GRIN2A: variants seen among roughly 807,000 people sequenced by gnomAD.
GRIN2A encodes glutamate ionotropic receptor NMDA type subunit 2A, also known as glutamate receptor ionotropic, NMDA 2A.
A neutral mutation model predicts 113.4 loss-of-function variants in GRIN2A; 22 were observed. The observed-to-expected ratio is 0.19, with a 90% CI of 0.14 to 0.28. The LOEUF is 0.28. GRIN2A is among the 10% of genes least tolerant of loss of function. GRIN2A has a pLI of 1.00. For synonymous variants in GRIN2A, 827 were observed against 738.4 expected, an observed-to-expected ratio of 1.12 and a Z score of -1.94; for missense variants, 1,502 against 1,887.0, an observed-to-expected ratio of 0.80 and a Z score of 3.78.
chr16:10,006,047 G>C (rs897638087), intron 2 of GRIN2A, among the ~76,000 whole-genome samples: 4 of 152,164 alleles, frequency 2.6e-5, no homozygotes, highest in Middle Eastern at 3.2e-3. Flanking sequence ...TAAGGATGTA[G>C]GCTGTTGTAA....
At chr16:9,964,629 T>G (rs556515041) in intron 2 of GRIN2A, among the ~76,000 whole-genome samples, 15 of 152,286 alleles carry the variant, frequency 9.8e-5, no homozygotes, top group Middle Eastern at 3.4e-3. Context: ...GCTGCCCACA[T>G]TCCTCGGCTT....
At chr16:10,068,411 G>A (rs2047689312) in intron 2 of GRIN2A, among the ~76,000 whole-genome samples, 2 of 152,224 alleles carry the variant, frequency 1.3e-5, no homozygotes, top group East Asian at 1.9e-4. Flanking sequence ...TTACAGTCAT[G>A]GTGGAAGGTG....
rs533057722 is a variant in GRIN2A, at chr16:9,970,126, C to T, written c.415-31575G>A. Among the ~76,000 whole-genome samples the T allele has an allele frequency of 2.6e-5, 4 of 152,312 alleles. No homozygotes were observed. In the East Asian group the frequency reaches 7.7e-4, roughly 29 times the overall value. On this transcript the variant is annotated intron_variant, in intron 2 of 12. Transcript: ENST00000330684. ...TTGGGATCCCTAATACAGAAAAAAG[C>T]AGCTCAAATTCAATGTTTGAGTAAG...
At chr16:9,865,571 C>T (rs917975044) in intron 4 of GRIN2A, among the ~76,000 whole-genome samples, 2 of 152,168 alleles carry the variant, frequency 1.3e-5, no homozygotes, top group Non-Finnish European at 2.9e-5. Context: ...AAATTATAGC[C>T]AAAAGCAGAA....
chr16:9,876,366 C>G (rs2043365897), intron 4 of GRIN2A, among the ~76,000 whole-genome samples: 2 of 152,172 alleles, frequency 1.3e-5, no homozygotes, highest in South Asian at 4.1e-4. Context: ...CTTTCTACCC[C>G]TACGTCCTCA....
At chr16:10,173,068 G>A (rs1002357505) in intron 2 of GRIN2A, among the ~76,000 whole-genome samples, 5 of 152,174 alleles carry the variant, frequency 3.3e-5, no homozygotes, top group Admixed American at 1.3e-4. Context: ...AACCCCTGAG[G>A]GCTACTTGGA....
At chr16:10,102,187 G>A (rs755110754) in intron 2 of GRIN2A, among the ~76,000 whole-genome samples, 4 of 152,260 alleles carry the variant, frequency 2.6e-5, no homozygotes, top group African/African-American at 9.6e-5. Flanking sequence ...CACCTCCAGT[G>A]TTGGAGGTAG....
intron 2 of GRIN2A, among the ~76,000 whole-genome samples, chr16:10,139,536 G>C (rs2049278847): frequency 6.6e-6 from 1 of 152,212 alleles, no homozygotes; most frequent in Non-Finnish European, 1.5e-5. Flanking sequence ...CATCCCAGGG[G>C]ATACAGATGT....
chr16:9,866,957 C>G (rs2043170636), intron 4 of GRIN2A, among the ~76,000 whole-genome samples: 1 of 152,214 alleles, frequency 6.6e-6, no homozygotes, highest in Non-Finnish European at 1.5e-5. Context: ...AGCTCTCATT[C>G]AGGTATTCTT....
chr16:9,919,108 G>T (rs1186586921), intron 3 of GRIN2A, among the ~76,000 whole-genome samples: 1 of 152,158 alleles, frequency 6.6e-6, no homozygotes, highest in Non-Finnish European at 1.5e-5. Context: ...GGGAGGCGGA[G>T]GTTGCAGTGA....
At chr16:10,141,674 C>T (rs1178622037) in intron 2 of GRIN2A, among the ~76,000 whole-genome samples, 1 of 152,140 alleles carries the variant, frequency 6.6e-6, no homozygotes, top group Admixed American at 6.5e-5. Flanking sequence ...AACCATAATG[C>T]CAGACCTTTT....
intron 2 of GRIN2A, among the ~76,000 whole-genome samples, chr16:10,113,059 C>G (rs1049535832): frequency 6.6e-6 from 1 of 152,076 alleles, no homozygotes; most frequent in African/African-American, 2.4e-5. Context: ...TGAGCATCCC[C>G]TACAGAGTCG....
intron 2 of GRIN2A, among the ~76,000 whole-genome samples, chr16:9,947,699 T>C (rs1301244556): frequency 6.6e-6 from 1 of 152,170 alleles, no homozygotes; most frequent in African/African-American, 2.4e-5. Context: ...TGGTACCAAA[T>C]AGAGGGTTCA....
At chr16:10,141,563 T>A (rs1411286140) in intron 2 of GRIN2A, among the ~76,000 whole-genome samples, 5 of 152,074 alleles carry the variant, frequency 3.3e-5, no homozygotes, top group Non-Finnish European at 2.9e-5. Context: ...AGAGACCAAA[T>A]CCAAATGACA....
chr16:10,081,145 C>A (rs1377338719), intron 2 of GRIN2A, among the ~76,000 whole-genome samples: 3 of 152,208 alleles, frequency 2.0e-5, no homozygotes, highest in African/African-American at 7.2e-5. Flanking sequence ...TTCCGAGGCT[C>A]TTACATGCTT....
chr16:10,046,642 A>G (rs1035907534), intron 2 of GRIN2A, among the ~76,000 whole-genome samples: 2 of 152,210 alleles, frequency 1.3e-5, no homozygotes, highest in African/African-American at 4.8e-5. Context: ...TTTGAGCAGC[A>G]GCTACACACA....
intron 2 of GRIN2A, among the ~76,000 whole-genome samples, chr16:10,055,418 C>G (rs901245694): frequency 2.0e-5 from 3 of 152,042 alleles, no homozygotes; most frequent in Non-Finnish European, 2.9e-5. Context: ...CTGAAATATT[C>G]CACCATTGAT....
At chr16:10,026,269 G>A (rs1024538180) in intron 2 of GRIN2A, among the ~76,000 whole-genome samples, 11 of 152,082 alleles carry the variant, frequency 7.2e-5, no homozygotes, top group Non-Finnish European at 1.2e-4. Context: ...CTAAGCCTCA[G>A]TTTGCTCCTC....
Position 9,903,953 on chromosome 16 carries a change from C to T in GRIN2A, c.1008-12853G>A, listed in dbSNP as rs180710466. Among the ~76,000 whole-genome samples, 420 of 152,260 alleles carry T rather than the reference C, an allele frequency of 2.8e-3. 3 individuals carry two copies. The highest frequency in any genetic ancestry group is 0.01 in the Admixed American group (156 of 15,302). ...ATCACCTCTCCCAGACTGTCAACTC[C>T]CTGAGGATAAGAATTCATAACTCAG... On this transcript the variant is annotated intron_variant, in intron 3 of 12. Coordinates refer to ENST00000330684, the MANE Select transcript of GRIN2A (RefSeq NM_001134407.3).
Sources: allele counts gnomAD v4.1 joint callset (sites outside exome capture counted in the v4.1 genomes callset), GRCh38; gene constraint gnomAD v4.1.1; transcripts MANE v1.5; gene names NCBI Gene and HGNC (gene_info 2026-07-23, HGNC 2026-07-21).